ERICH1: variants seen among roughly 807,000 people sequenced by gnomAD.
The protein encoded by ERICH1 is glutamate-rich protein 1.
ERICH1 carries 56 observed loss-of-function variants against 39.6 expected under a neutral mutation model. That is an observed-to-expected ratio of 1.41 (90% CI 1.14 to 1.77). The LOEUF (loss-of-function observed/expected upper bound fraction) is 1.77. Ranked by LOEUF, ERICH1 falls within the 40% of genes most tolerant of loss-of-function variation. ERICH1 has a pLI of 0.00. For synonymous variants in ERICH1, 313 were observed against 223.6 expected (o/e 1.40, Z -3.57); for missense variants, 826 against 575.4 (o/e 1.44, Z -4.45).
chr8:727,354 G>A lies in ERICH1; in HGVS notation c.22+3786C>T, dbSNP rs868236721. Among the ~76,000 whole-genome samples, 15 of 152,328 alleles carry A rather than the reference G, an allele frequency of 9.8e-5. No individual in the cohort carries two copies. The South Asian group carries it at 1.7e-3, about 17-fold the overall frequency. On this transcript the variant is annotated intron_variant, in intron 1 of 5. Coordinates refer to ENST00000262109, the MANE Select transcript of ERICH1 (RefSeq NM_207332.3). Reference sequence around the variant, plus strand: ...CACCAGTGCCAGCACCGTGGACAGCGCCAGCGATTCCTGGCGTGTGAAGTT... The same window carrying A: ...CACCAGTGCCAGCACCGTGGACAGCACCAGCGATTCCTGGCGTGTGAAGTT...
chr8:660,798 T>G (rs2131742559), downstream of ERICH1, among the ~76,000 whole-genome samples: 1 of 152,174 alleles, frequency 6.6e-6, no homozygotes, highest in Non-Finnish European at 1.5e-5. Flanking sequence ...GATCCGCAGC[T>G]TTCGAGCTGC....
intron 1 of ERICH1, among the ~76,000 whole-genome samples, chr8:722,856 T>C (rs753166384): frequency 6.6e-6 from 1 of 152,218 alleles, no homozygotes; most frequent in Non-Finnish European, 1.5e-5. Flanking sequence ...GTAAAACCGA[T>C]AGGACCACAT....
chr8:683,433 C>A (rs1053662373), intron 3 of ERICH1, among the ~76,000 whole-genome samples: 2 of 152,328 alleles, frequency 1.3e-5, no homozygotes, highest in East Asian at 3.9e-4. Context: ...CCGTGAGGGT[C>A]AGCAGGTGCC....
chr8:634,714 A>T (rs1029935886), intron 3 of ERICH1, among the ~76,000 whole-genome samples: 3 of 152,150 alleles, frequency 2.0e-5, no homozygotes, highest in Admixed American at 6.5e-5. Flanking sequence ...CCCGGGTGTG[A>T]GAGGGGCCGC....
chr8:651,757 C>T (rs1055257618), intron 3 of ERICH1, among the ~76,000 whole-genome samples: 24 of 148,390 alleles, frequency 1.6e-4, no homozygotes, highest in Admixed American at 7.4e-4. Flanking sequence ...GAGGCTGAGA[C>T]GGAGCGGGAG....
chr8:722,984 C>T (rs868233535), intron 1 of ERICH1, among the ~76,000 whole-genome samples: 1 of 152,216 alleles, frequency 6.6e-6, no homozygotes, highest in African/African-American at 2.4e-5. Flanking sequence ...CCCTCCAAAT[C>T]CCATGGTGAC....
intron 3 of ERICH1, among the ~76,000 whole-genome samples, chr8:630,090 A>G (rs1797895856): frequency 3.1e-5 from 4 of 129,000 alleles, no homozygotes; most frequent in African/African-American, 9.2e-5. Flanking sequence ...ACCCACACAG[A>G]CAGAGCTGAC....
intron 3 of ERICH1, chr8:616,078 A>G (rs890067137): frequency 1.6e-4 from 26 of 162,046 alleles, no homozygotes; most frequent in African/African-American, 6.0e-4. Context: ...ATGCCCAGCA[A>G]TGTGCAAGAG....
intron 3 of ERICH1, chr8:637,575 T>C (rs1798539628): frequency 6.6e-6 from 1 of 152,442 alleles, no homozygotes; most frequent in Non-Finnish European, 1.5e-5. Context: ...TGTCTGGCTC[T>C]GCTCATGGCC....
chr8:671,385 G>T (rs1214994016), intron 4 of ERICH1, among the ~76,000 whole-genome samples: 1 of 142,398 alleles, frequency 7.0e-6, no homozygotes, highest in Non-Finnish European at 1.5e-5. Flanking sequence ...CGGCTCTAAT[G>T]TCTGTGCTCA....
chr8:694,942 C>A (rs1472388993), intron 2 of ERICH1, among the ~76,000 whole-genome samples: 1 of 152,098 alleles, frequency 6.6e-6, no homozygotes, highest in Non-Finnish European at 1.5e-5. Context: ...ATCTAAGAGT[C>A]AGGGTCAGAG....
intron 3 of ERICH1, among the ~76,000 whole-genome samples, chr8:684,124 T>A (rs1300087370): frequency 1.3e-5 from 2 of 152,212 alleles, no homozygotes; most frequent in African/African-American, 4.8e-5. Context: ...TTCTATAACT[T>A]TCCATAAAAT....
intron 2 of ERICH1, among the ~76,000 whole-genome samples, chr8:701,721 A>C (rs1465883335): frequency 6.6e-6 from 1 of 152,228 alleles, no homozygotes; most frequent in African/African-American, 2.4e-5. Context: ...TCTTAAACAA[A>C]ACACAAAAAC....
exon 4 of ERICH1, chr8:615,036 G>A (rs914014119): frequency 3.9e-5 from 18 of 457,906 alleles, no homozygotes; most frequent in Admixed American, 8.1e-5. Context: ...TGGAGCAGAC[G>A]TGGCTACGCT....
chr8:652,807 C>G lies in ERICH1; in HGVS notation c.976+15791G>C, dbSNP rs80031509. ...TAGGCACGGGACCGGAATGGAAATT[C>G]TCCTAAGAAGATAGACAAAGGTCAA... On this transcript the variant is annotated intron_variant, in intron 3 of 3. Coordinates refer to the ERICH1 transcript ENST00000522706. 4.1e-3 allele frequency among the ~76,000 whole-genome samples: 622 copies of G among 152,284 alleles called. 3 individuals carry two copies. Among genetic ancestry groups the G allele is most frequent in the Non-Finnish European group, 7.7e-3 (524 of 68,024 alleles).
intron 2 of ERICH1, among the ~76,000 whole-genome samples, chr8:699,990 G>GGCCCGCAC (rs1811498216): frequency 8.8e-6 from 1 of 113,332 alleles, no homozygotes; most frequent in Admixed American, 9.4e-5. Flanking sequence ...CACGCGCACA[G>GGCCCGCAC]ACCCTCACAG....
downstream of ERICH1, among the ~76,000 whole-genome samples, chr8:661,171 T>G (rs146825299): frequency 4.6e-5 from 7 of 152,140 alleles, no homozygotes; most frequent in East Asian, 1.4e-3. Flanking sequence ...TTGGAGCGGG[T>G]GGAACACATT....
At chr8:657,078 C>A (rs1429035571) in intron 3 of ERICH1, among the ~76,000 whole-genome samples, 1 of 152,116 alleles carries the variant, frequency 6.6e-6, no homozygotes, top group South Asian at 2.1e-4. Flanking sequence ...AACAGCAAAA[C>A]TCAACAAACT....
At chr8:704,694 A>G (rs1812867808) in intron 2 of ERICH1, among the ~76,000 whole-genome samples, 2 of 152,346 alleles carry the variant, frequency 1.3e-5, no homozygotes, top group South Asian at 2.1e-4. Flanking sequence ...AGCTGCTAAA[A>G]AAAACCAAAA....
Sources: gnomAD v4.1 joint callset for allele counts (sites outside exome capture counted in the v4.1 genomes callset) on GRCh38, gnomAD v4.1.1 for gene constraint, MANE v1.5 for transcripts, NCBI Gene and HGNC (gene_info 2026-07-23, HGNC 2026-07-21) for gene names.